Variants in CDC45 observed in about 807,000 individuals in gnomAD.
CDC45 encodes the protein cell division control protein 45 homolog.
A neutral mutation model predicts 77.8 loss-of-function variants in CDC45; 54 were observed. The observed-to-expected ratio is 0.69, with a 90% CI of 0.56 to 0.87. The LOEUF is 0.87. CDC45 is among the 40% of genes least tolerant of loss of function. The probability of loss-of-function intolerance (pLI) is 0.00; values close to 1 mark genes in which losing one functional copy is unlikely to be tolerated. For synonymous variants in CDC45, 260 were observed against 272.1 expected (o/e 0.96, Z 0.44); for missense variants, 649 against 721.6 (o/e 0.90, Z 1.15).
At position 19,516,539 on chromosome 22, in the gene CDC45, C is replaced by T. The variant is rs757736626; in HGVS notation, c.1453C>T (p.Arg485Cys). Residue 485 changes from arginine to cysteine, a missense_variant, in exon 16 of 19, where the codon CGC (arginine) becomes TGC (cysteine). Arg to Cys is a radical substitution (Grantham distance 180). Transcript: ENST00000263201. ...KSFVCSTKNR[R>C]CKLLPLVMAA... ...TCCGACTCCATAGACAAAGAACCGG[C>T]GCTGCAAACTGCTGCCCCTGGTGAT... 37 of 1,613,630 alleles carry T rather than the reference C, an allele frequency of 2.3e-5. No homozygotes were observed. The highest frequency in any genetic ancestry group is 4.0e-5 in the African/African-American group (3 of 74,862).
At chr22:19,509,048 T>C (rs890886903) in intron 13 of CDC45, among the ~76,000 whole-genome samples, 1 of 152,242 alleles carries the variant, frequency 6.6e-6, no homozygotes, top group Non-Finnish European at 1.5e-5. Context: ...TCCAATTCTT[T>C]CTTATCTCAC....
chr22:19,506,521 T>C (rs1402005300), intron 10 of CDC45, among the ~76,000 whole-genome samples: 1 of 152,022 alleles, frequency 6.6e-6, no homozygotes, highest in East Asian at 1.9e-4. Context: ...GAACTGAGCA[T>C]GCCGAGGAAG....
intron 6 of CDC45, chr22:19,494,638 C>G: frequency 7.4e-7 from 1 of 1,358,838 alleles, no homozygotes. Flanking sequence ...GGCCCTGGCT[C>G]TTTATTTTTA....
In CDC45 at chr22:19,518,888, C is replaced by T; in HGVS notation, c.1681C>T (p.Leu561Phe). The T allele has an allele frequency of 1.2e-6, 2 of 1,614,020 alleles. No homozygotes were observed. The highest frequency in any genetic ancestry group is 1.3e-5 in the African/African-American group (1 of 75,036). ...GGATCGGAGCAAGTTTCTGGACGCA[C>T]TTATTTCCCTCCTGTCCTAGGGTGA... The part of the protein sequence containing the change: ...AEDRSKFLDA[L>F]ISLLS The change falls in exon 18 of 19, where the codon CTT becomes TTT. Residue 561 changes from leucine to phenylalanine, a missense_variant. Coordinates refer to ENST00000263201, the MANE Select transcript of CDC45 (RefSeq NM_003504.5).
intron 17 of CDC45, among the ~76,000 whole-genome samples, chr22:19,517,160 C>G (rs574830796): frequency 2.0e-5 from 3 of 152,382 alleles, no homozygotes; most frequent in African/African-American, 7.2e-5. Flanking sequence ...CTAAGGATCA[C>G]TTTCCCAGCA....
intron 13 of CDC45, among the ~76,000 whole-genome samples, chr22:19,511,947 G>T (rs546004174): frequency 1.4e-5 from 2 of 141,026 alleles, no homozygotes; most frequent in Admixed American, 7.2e-5. Context: ...TTGAGACAGG[G>T]TCTTACTCTG....
At chr22:19,493,899 G>A (rs752871558) in intron 5 of CDC45, among the ~76,000 whole-genome samples, 37 of 152,218 alleles carry the variant, frequency 2.4e-4, no homozygotes, top group East Asian at 1.9e-4. Context: ...AAGATTAAAC[G>A]AGGTTGTGCC....
rs547193322 is a variant in CDC45, at chr22:19,482,268, T to C, written c.205-422T>C. On this transcript the variant is annotated intron_variant, in intron 3 of 18. Coordinates refer to ENST00000263201, the MANE Select transcript of CDC45 (RefSeq NM_003504.5). The stretch of plus-strand genomic sequence containing the variant: ...GAAAGAAAGTGCTATAGTGATAGAG[T>C]GTGATAAAGGACTTAATATTTAAGT... Among the ~76,000 whole-genome samples, 11 of 152,256 alleles carry C rather than the reference T, an allele frequency of 7.2e-5. No homozygotes were observed. In the South Asian group the frequency reaches 2.3e-3, roughly 32 times the overall value.
rs1000702491 is a variant in CDC45 at position 19,505,219 on chromosome 22, A to G, written c.705-143A>G. 33 of 876,458 alleles carry G rather than the reference A, an allele frequency of 3.8e-5. No homozygotes were observed. The South Asian group carries it at 5.4e-4, about 14-fold the overall frequency. 54.3% of individuals were successfully genotyped at this position (876,458 alleles called of 1,614,324 possible). A position where few individuals can be genotyped will look rare whatever the true frequency, so the allele number is the denominator to read the frequency against. Reference sequence around the variant, plus strand: ...GGTGCTTGGTTTCTATGCAGGCTGCATGTCCTTAGTCCCTGCATGGGAACA... The same window carrying G: ...GGTGCTTGGTTTCTATGCAGGCTGCGTGTCCTTAGTCCCTGCATGGGAACA... On this transcript the variant is annotated intron_variant, in intron 9 of 18. Coordinates refer to ENST00000263201, the MANE Select transcript of CDC45 (RefSeq NM_003504.5).
intron 3 of CDC45, 115 bp from the exon 4 acceptor site, chr22:19,482,575 C>T: frequency 8.7e-7 from 1 of 1,147,764 alleles, no homozygotes. Flanking sequence ...GCCACGTGGG[C>T]CTCGCCACAT....
chr22:19,493,233 T>G (rs1406263378), intron 5 of CDC45, among the ~76,000 whole-genome samples: 2 of 119,398 alleles, frequency 1.7e-5, no homozygotes, highest in African/African-American at 6.8e-5. Context: ...GTGGGTTTTT[T>G]TTTTTGTTGT....
intron 13 of CDC45, among the ~76,000 whole-genome samples, chr22:19,510,813 C>A (rs1162533450): frequency 6.6e-6 from 1 of 152,218 alleles, no homozygotes; most frequent in East Asian, 1.9e-4. Context: ...AGGCATCAGC[C>A]ACCATGCCCG....
At chr22:19,483,519 C>A (rs2090017463) in intron 4 of CDC45, among the ~76,000 whole-genome samples, 1 of 152,136 alleles carries the variant, frequency 6.6e-6, no homozygotes, top group South Asian at 2.1e-4. Context: ...TCTTCATGTC[C>A]TATATCAGAC....
chr22:19,494,234 A>C (rs2090201718), intron 5 of CDC45, 93 bp from the exon 6 acceptor site: 13 of 1,093,794 alleles, frequency 1.2e-5, no homozygotes, highest in Non-Finnish European at 1.8e-5. Context: ...GTCTGGGCCT[A>C]CTGACTTCTG....
chr22:19,501,311 C>G (rs553181086), intron 9 of CDC45, among the ~76,000 whole-genome samples: 1 of 152,362 alleles, frequency 6.6e-6, no homozygotes, highest in African/African-American at 2.4e-5. Flanking sequence ...CAAGTGGCCA[C>G]TGGGCTCCAT....
chr22:19,488,587 C>T (rs887814338), intron 5 of CDC45, among the ~76,000 whole-genome samples: 3 of 152,194 alleles, frequency 2.0e-5, no homozygotes, highest in Non-Finnish European at 4.4e-5. Flanking sequence ...AGGGAGGGGA[C>T]AGGACCCCAC....
chr22:19,479,966 G>C lies in CDC45; in HGVS notation c.-3G>C, dbSNP rs200419044. On this transcript the variant is annotated 5_prime_UTR_variant, in exon 1 of 19. Transcript: ENST00000263201. ...GAGCGCCAGGCGTCCGGCCGCCGTG[G>C]CTATGTTCGTGTCCGATTTCCGCAA... 6.2e-7 allele frequency: 1 copy of C among 1,613,416 alleles called. No individual in the cohort carries two copies. Among genetic ancestry groups the C allele is most frequent in the African/African-American group, 1.3e-5 (1 of 75,048 alleles).
At chr22:19,494,697 A>C (rs1414541662) in intron 6 of CDC45, 2 of 902,548 alleles carry the variant, frequency 2.2e-6, no homozygotes, top group African/African-American at 3.3e-5. Flanking sequence ...ATTTATAAGA[A>C]GTGCTCTAAA....
chr22:19,500,022 AGGCCTGGAGCTAC>A (rs2146386511), intron 9 of CDC45, among the ~76,000 whole-genome samples: 1 of 152,350 alleles, frequency 6.6e-6, no homozygotes, highest in South Asian at 2.1e-4. Context: ...CCCAAGTTTC[AGGCCTGGAGCTAC>A]GGCCTGGACA....
Sources: allele counts gnomAD v4.1 joint callset (sites outside exome capture counted in the v4.1 genomes callset), GRCh38; gene constraint gnomAD v4.1.1; transcripts MANE v1.5; gene names NCBI Gene and HGNC (gene_info 2026-07-23, HGNC 2026-07-21).